LBHD1: variants seen among roughly 807,000 people sequenced by gnomAD.
The protein encoded by LBHD1 is LBH domain-containing protein 1.
Under a neutral mutation model 31.1 loss-of-function variants are expected in LBHD1, and 28 were observed. The ratio of observed to expected loss-of-function variants is 0.90; its 90% CI spans 0.67 to 1.24. The LOEUF (loss-of-function observed/expected upper bound fraction) is 1.24. LBHD1 is among the 50% of genes most tolerant of loss of function. LBHD1 has a pLI of 0.00. For missense variants in LBHD1, 350 were observed against 323.0 expected, an observed-to-expected ratio of 1.08 and a Z score of -0.64; for synonymous variants, 105 against 116.5, an observed-to-expected ratio of 0.90 and a Z score of 0.63.
At position 62,671,551 on chromosome 11, in the gene LBHD1, C is replaced by A; in HGVS notation, c.-11+13G>T. 7.0e-7 allele frequency: 1 copy of A among 1,427,952 alleles called. No homozygotes were observed. Among genetic ancestry groups the A allele is most frequent in the Non-Finnish European group, 9.1e-7 (1 of 1,094,020 alleles). 88.5% of individuals were successfully genotyped at this position (1,427,952 alleles called of 1,614,324 possible). Reference sequence around the variant, plus strand: ...CCAGCACTTCTTGGACACCTCAACCCCCTCAGCTAAACCTGAGATCCAAGC... The same window carrying A: ...CCAGCACTTCTTGGACACCTCAACCACCTCAGCTAAACCTGAGATCCAAGC... On this transcript the variant is annotated intron_variant, in intron 1 of 6. Coordinates refer to ENST00000354588, the MANE Select transcript of LBHD1 (RefSeq NM_024099.5).
chr11:62,666,814 C>CA (rs747051469), intron 4 of LBHD1: 73 of 1,614,114 alleles, frequency 4.5e-5, no homozygotes, highest in Non-Finnish European at 6.1e-5. Context: ...TACTGCTGGA[C>CA]AAAGGCACAT....
At position 62,671,718 on chromosome 11, in the gene LBHD1, G is replaced by T; in HGVS notation, c.-165C>A. On this transcript the variant is annotated 5_prime_UTR_variant, in exon 1 of 7. Coordinates refer to ENST00000354588, the MANE Select transcript of LBHD1 (RefSeq NM_024099.5). ...GCTTGCGGCTGCGGGGAGCTCCCGT[G>T]GGCGCTCCGCTGGCTGTGCAGGCGG... 4 of 1,610,950 alleles carry T rather than the reference G, an allele frequency of 2.5e-6. No individual in the cohort carries two copies. The highest frequency in any genetic ancestry group is 1.7e-6 in the Non-Finnish European group (2 of 1,178,738).
chr11:62,669,066 G>A (rs1355577184), intron 3 of LBHD1, among the ~76,000 whole-genome samples: 4 of 150,694 alleles, frequency 2.7e-5, no homozygotes, highest in African/African-American at 4.9e-5. Flanking sequence ...GACTACAGGC[G>A]CCCGCCACCA....
chr11:62,663,580 G>A (rs1246408102), intron 5 of LBHD1, among the ~76,000 whole-genome samples: 3 of 151,766 alleles, frequency 2.0e-5, no homozygotes, highest in Admixed American at 6.6e-5. Flanking sequence ...TGTAGTCCCA[G>A]CTACTCGGGA....
At position 62,671,707 on chromosome 11, in the gene LBHD1, G is replaced by C; in HGVS notation, c.-154C>G. ...GCGCGGCAACAGCTTGCGGCTGCGGGGAGCTCCCGTGGGCGCTCCGCTGGC... is the reference window on the plus strand; with the variant it reads ...GCGCGGCAACAGCTTGCGGCTGCGGCGAGCTCCCGTGGGCGCTCCGCTGGC... On this transcript the variant is annotated 5_prime_UTR_variant, in exon 1 of 7. Coordinates refer to ENST00000354588, the MANE Select transcript of LBHD1 (RefSeq NM_024099.5). 6.2e-7 allele frequency: 1 copy of C among 1,607,242 alleles called. No individual in the cohort carries two copies. The highest frequency in any genetic ancestry group is 8.5e-7 in the Non-Finnish European group (1 of 1,176,622).
chr11:62,670,027 G>A lies in LBHD1; in HGVS notation c.5C>T (p.Ala2Val). Residue 2 changes from alanine (A) to valine (V), a missense_variant, in exon 2 of 7, where the codon GCC becomes GTC. By Grantham distance (64) the Ala-to-Val change is moderately conservative (BLOSUM62 0). Coordinates refer to ENST00000354588, the MANE Select transcript of LBHD1 (RefSeq NM_024099.5). ...CTCCTTGCTTCTCCCTGGCACAAGG[G>A]CCATGGTGGTGATTCTTAGAGTGCA... Reference protein sequence around the residue: MALVPGRSKEDG... With the variant: MVLVPGRSKEDG... The A allele has an allele frequency of 1.2e-6, 2 of 1,609,960 alleles. No homozygotes were observed. Among genetic ancestry groups the A allele is most frequent in the Non-Finnish European group, 1.7e-6 (2 of 1,177,826 alleles).
chr11:62,664,194 T>C (rs1020890593), intron 5 of LBHD1, among the ~76,000 whole-genome samples: 2 of 151,912 alleles, frequency 1.3e-5, no homozygotes, highest in South Asian at 2.1e-4. Flanking sequence ...TGAGTGCCTT[T>C]GGGAAAATTC....
chr11:62,671,901 G>A lies in LBHD1; in HGVS notation c.-348C>T. The A allele has an allele frequency of 6.2e-7, 1 of 1,613,414 alleles. No homozygotes were observed. The highest frequency in any genetic ancestry group is 8.5e-7 in the Non-Finnish European group (1 of 1,179,532). ...CTGGTAGTCCCGAGGAAGGGTGGGC[G>A]GGTGGAGAGCCCCGGACTGGAGCTC... On this transcript the variant is annotated 5_prime_UTR_variant, in exon 1 of 7. Transcript: ENST00000354588.
At chr11:62,664,775 G>A in intron 5 of LBHD1, 74 bp downstream of exon 5, 4 of 1,523,412 alleles carry the variant, frequency 2.6e-6, no homozygotes, top group Non-Finnish European at 3.5e-6. Context: ...GAGAGGTGAA[G>A]CTGCTCCGGA....
chr11:62,671,466 C>A (rs1944940986), intron 1 of LBHD1, 98 bp downstream of exon 1: 1 of 1,334,664 alleles, frequency 7.5e-7, no homozygotes, highest in East Asian at 3.4e-5. Flanking sequence ...CACGCACTCT[C>A]CCCCTAGCAA....
Position 62,671,607 on chromosome 11 carries a change from G to T in LBHD1, c.-54C>A. Reference sequence around the variant, plus strand: ...GGATTCCAAACGTTTCCTCGAGCAGGTCCTCTCTAGCCGGCCGCTTATCTA... The same window carrying T: ...GGATTCCAAACGTTTCCTCGAGCAGTTCCTCTCTAGCCGGCCGCTTATCTA... On this transcript the variant is annotated 5_prime_UTR_variant, in exon 1 of 7. Coordinates refer to ENST00000354588, the MANE Select transcript of LBHD1 (RefSeq NM_024099.5). The T allele has an allele frequency of 6.7e-7, 1 of 1,495,524 alleles. No individual in the cohort carries two copies. The allele number at this position is 1,495,524 out of a possible 1,614,324, so 92.6% of individuals were successfully genotyped here.
chr11:62,665,140 C>T (rs1206134537), intron 4 of LBHD1, 167 bp from the exon 5 acceptor site: 4 of 1,032,438 alleles, frequency 3.9e-6, no homozygotes, highest in Admixed American at 4.0e-5. Flanking sequence ...CCGTTCGGGG[C>T]CGGTTGATCT....
chr11:62,671,404 C>G, intron 1 of LBHD1, 160 bp downstream of exon 1: 1 of 1,259,234 alleles, frequency 7.9e-7, no homozygotes, highest in Non-Finnish European at 1.0e-6. Flanking sequence ...GATCGGGAAA[C>G]GTCGGAAGAC....
rs1944954659 is a variant in LBHD1 at position 62,672,012 on chromosome 11, G to A, written c.-459C>T. 3 of 1,613,682 alleles carry A rather than the reference G, an allele frequency of 1.9e-6. No individual in the cohort carries two copies. The highest frequency in any genetic ancestry group is 2.2e-5 in the South Asian group (2 of 91,018). On this transcript the variant is annotated 5_prime_UTR_variant, in exon 1 of 7. Transcript: ENST00000354588. ...AGGCGGCCAGGACCCAGCAGCTATTGCTGGCCACTCTGCAGGAGGCAGCGA... is the reference window on the plus strand; with the variant it reads ...AGGCGGCCAGGACCCAGCAGCTATTACTGGCCACTCTGCAGGAGGCAGCGA...
At chr11:62,665,899 T>C in intron 4 of LBHD1, 1 of 1,613,428 alleles carries the variant, frequency 6.2e-7, no homozygotes. Context: ...CTGCGTCGAA[T>C]GCTCCACTTG....
Position 62,669,535 on chromosome 11 carries a change from T to C in LBHD1, c.313+106A>G, listed in dbSNP as rs1375030649. ...ATCTTCACATTTATTGAGCACCTGCTGTGTGCCTGGCACTGCTGAATGCAG... is the reference window on the plus strand; with the variant it reads ...ATCTTCACATTTATTGAGCACCTGCCGTGTGCCTGGCACTGCTGAATGCAG... On this transcript the variant is annotated intron_variant, in intron 3 of 6. Coordinates refer to ENST00000354588, the MANE Select transcript of LBHD1 (RefSeq NM_024099.5). 2.6e-6 allele frequency: 4 copies of C among 1,516,278 alleles called. No homozygotes were observed. The African/African-American group carries it at 4.2e-5, about 16-fold the overall frequency. The allele number at this position is 1,516,278 out of a possible 1,614,324, so 93.9% of individuals were successfully genotyped here.
intron 5 of LBHD1, among the ~76,000 whole-genome samples, chr11:62,664,396 T>C (rs565948153): frequency 5.5e-4 from 81 of 146,764 alleles, no homozygotes; most frequent in African/African-American, 1.9e-3. Flanking sequence ...AGTGGCGTGA[T>C]CTCGGCTCAC....
In LBHD1 at chr11:62,669,914, T is replaced by G. The variant is rs1265217773; in HGVS notation, c.118A>C (p.Ile40Leu). ...TGCTGGTGACCTTCAACCTTGCCAATTTTTCCTCTGTCCCAGAGAGGGTTG... is the reference window on the plus strand; with the variant it reads ...TGCTGGTGACCTTCAACCTTGCCAAGTTTTCCTCTGTCCCAGAGAGGGTTG... Reference protein sequence around the residue: ...LPNPLWDRGKIGKVEGHQHIQ... With the variant: ...LPNPLWDRGKLGKVEGHQHIQ... The change falls in exon 2 of 7, where the codon ATT becomes CTT. Residue 40 changes from isoleucine (I) to leucine (L), a missense_variant. Physicochemically the swap from Ile to Leu is conservative, Grantham distance 5. Transcript: ENST00000354588. 1 of 1,614,030 alleles carries G rather than the reference T, an allele frequency of 6.2e-7. No individual in the cohort carries two copies. Among genetic ancestry groups the G allele is most frequent in the East Asian group, 2.2e-5 (1 of 44,904 alleles).
In LBHD1 at chr11:62,672,184, C is replaced by T. The variant is rs1944957707; in HGVS notation, c.-631G>A. On this transcript the variant is annotated 5_prime_UTR_variant, in exon 1 of 7. Transcript: ENST00000354588. ...GGAATCCGAGGCAGCCTTTCTCCTTCGTGGGCCCAGCGGAGAGTCCGGACC... is the reference window on the plus strand; with the variant it reads ...GGAATCCGAGGCAGCCTTTCTCCTTTGTGGGCCCAGCGGAGAGTCCGGACC... 4 of 1,463,216 alleles carry T rather than the reference C, an allele frequency of 2.7e-6. No individual in the cohort carries two copies. The highest frequency in any genetic ancestry group is 4.9e-5 in the East Asian group (2 of 40,640). The allele number at this position is 1,463,216 out of a possible 1,614,324, so 90.6% of individuals were successfully genotyped here.
Sources: allele counts gnomAD v4.1 joint callset (sites outside exome capture counted in the v4.1 genomes callset), GRCh38; gene constraint gnomAD v4.1.1; transcripts MANE v1.5; gene names NCBI Gene and HGNC (gene_info 2026-07-23, HGNC 2026-07-21).